The following ZFAND3 variants were observed in gnomAD, a reference collection of about 807,000 sequenced individuals.
ZFAND3 encodes AN1-type zinc finger protein 3.
A neutral mutation model predicts 29.6 loss-of-function variants in ZFAND3; 10 were observed. The ratio of observed to expected loss-of-function variants is 0.34; its 90% CI spans 0.21 to 0.57. ZFAND3 has a LOEUF of 0.57. Ranked by LOEUF, ZFAND3 falls within the 20% of genes least tolerant of loss-of-function variation. ZFAND3 has a pLI of 0.86. For synonymous variants in ZFAND3, 128 were observed against 112.6 expected, an observed-to-expected ratio of 1.14 and a Z score of -0.87; for missense variants, 230 against 304.5, an observed-to-expected ratio of 0.76 and a Z score of 1.82.
At chr6:37,829,219 G>A (rs1425801397) in intron 1 of ZFAND3, among the ~76,000 whole-genome samples, 1 of 145,392 alleles carries the variant, frequency 6.9e-6, no homozygotes, top group African/African-American at 2.5e-5. Flanking sequence ...AACATAATGA[G>A]GCTTTGTTGC....
intron 1 of ZFAND3, among the ~76,000 whole-genome samples, chr6:37,896,125 A>T (rs931823346): frequency 1.3e-5 from 2 of 152,222 alleles, no homozygotes; most frequent in African/African-American, 4.8e-5. Flanking sequence ...CAGAAAGCTC[A>T]GCTTTTCACT....
chr6:38,000,871 T>A (rs1762936165), intron 2 of ZFAND3, among the ~76,000 whole-genome samples: 1 of 152,152 alleles, frequency 6.6e-6, no homozygotes, highest in Admixed American at 6.6e-5. Context: ...TATTCCAAAA[T>A]GAGATTTGGG....
Position 38,027,691 on chromosome 6 carries a change from A to G in ZFAND3, c.113-33902A>G, listed in dbSNP as rs564247048. Among the ~76,000 whole-genome samples the G allele has an allele frequency of 2.0e-5, 3 of 152,350 alleles. No individual in the cohort carries two copies. In the East Asian group the frequency reaches 5.8e-4, roughly 29 times the overall value. ...GGCTGGCTGCCTCGGTAGGTATAAA[A>G]TATTAATATTTGTGCAAAAGGCGGA... On this transcript the variant is annotated intron_variant, in intron 2 of 5. Coordinates refer to ENST00000287218, the MANE Select transcript of ZFAND3 (RefSeq NM_021943.3).
intron 2 of ZFAND3, among the ~76,000 whole-genome samples, chr6:38,031,911 A>G (rs1763569515): frequency 7.1e-6 from 1 of 140,014 alleles, no homozygotes; most frequent in African/African-American, 2.7e-5. Flanking sequence ...AGCTCACTGC[A>G]GCCTCAATCT....
At chr6:37,889,997 A>G (rs565277458) in intron 1 of ZFAND3, among the ~76,000 whole-genome samples, 5 of 152,302 alleles carry the variant, frequency 3.3e-5, no homozygotes, top group East Asian at 3.9e-4. Flanking sequence ...CATTTGAGCA[A>G]CTAGGCTTTG....
At position 38,096,225 on chromosome 6, in the gene ZFAND3, T is replaced by C. The variant is rs184912868; in HGVS notation, c.361+13768T>C. 1.5e-3 allele frequency among the ~76,000 whole-genome samples: 223 copies of C among 147,742 alleles called. 1 individual carries two copies. The highest frequency in any genetic ancestry group is 5.4e-3 in the African/African-American group (216 of 39,676). ...TCTTGCTGTGTCACTCAGGCTGGAG[T>C]GCAGTGGTGTGATCTTGGCTCACTG... On this transcript the variant is annotated intron_variant, in intron 4 of 5. Transcript: ENST00000287218.
At chr6:37,954,277 C>A (rs1323274209) in intron 2 of ZFAND3, among the ~76,000 whole-genome samples, 2 of 151,910 alleles carry the variant, frequency 1.3e-5, no homozygotes, top group African/African-American at 4.8e-5. Context: ...AATAGAAAAC[C>A]TTTTTTCTAT....
intron 2 of ZFAND3, among the ~76,000 whole-genome samples, chr6:38,050,723 C>T (rs1360671098): frequency 6.6e-6 from 1 of 152,190 alleles, no homozygotes; most frequent in African/African-American, 2.4e-5. Flanking sequence ...TTCATAGCAG[C>T]ATGAGAACGG....
At chr6:37,943,959 C>T (rs939428202) in intron 2 of ZFAND3, among the ~76,000 whole-genome samples, 3 of 152,112 alleles carry the variant, frequency 2.0e-5, no homozygotes, top group Non-Finnish European at 2.9e-5. Context: ...AGAAATAAAT[C>T]TATAACAAAG....
chr6:38,116,456 C>A, intron 4 of ZFAND3, 116 bp from the exon 5 acceptor site: 2 of 1,252,664 alleles, frequency 1.6e-6, no homozygotes, highest in Non-Finnish European at 2.2e-6. Flanking sequence ...TCTCACCTGT[C>A]TGATTCCTGG....
intron 1 of ZFAND3, among the ~76,000 whole-genome samples, chr6:37,913,727 T>G (rs916749541): frequency 6.7e-6 from 1 of 148,878 alleles, no homozygotes; most frequent in African/African-American, 2.5e-5. Flanking sequence ...TTTTTTTTTT[T>G]GAGACAGAGT....
At chr6:37,942,995 C>T (rs1761838088) in intron 2 of ZFAND3, among the ~76,000 whole-genome samples, 1 of 152,026 alleles carries the variant, frequency 6.6e-6, no homozygotes, top group Non-Finnish European at 1.5e-5. Flanking sequence ...GTTTAGACAA[C>T]ATTATAGCAT....
chr6:37,847,010 G>A (rs1005084949), intron 1 of ZFAND3, among the ~76,000 whole-genome samples: 5 of 151,358 alleles, frequency 3.3e-5, no homozygotes, highest in Non-Finnish European at 7.4e-5. Flanking sequence ...TGTGCCTGGC[G>A]TATACTTGTG....
intron 5 of ZFAND3, among the ~76,000 whole-genome samples, chr6:38,133,707 G>T (rs564166800): frequency 6.6e-6 from 1 of 151,150 alleles, no homozygotes; most frequent in African/African-American, 2.4e-5. Flanking sequence ...CCGAGATCAC[G>T]CCACTGCACT....
chr6:37,912,783 A>C (rs1033859454), intron 1 of ZFAND3, among the ~76,000 whole-genome samples: 1 of 152,218 alleles, frequency 6.6e-6, no homozygotes, highest in African/African-American at 2.4e-5. Context: ...AGTCCTGTAG[A>C]TGAATGTTGT....
chr6:38,049,145 C>T (rs566078514), intron 2 of ZFAND3, among the ~76,000 whole-genome samples: 1 of 152,320 alleles, frequency 6.6e-6, no homozygotes, highest in Admixed American at 6.5e-5. Flanking sequence ...TCCCTGAAAA[C>T]TTTCGTATTT....
At chr6:37,925,409 A>C (rs1761464803) in intron 1 of ZFAND3, among the ~76,000 whole-genome samples, 1 of 152,180 alleles carries the variant, frequency 6.6e-6, no homozygotes, top group Non-Finnish European at 1.5e-5. Context: ...GACGGGAATC[A>C]AAAATGGTTT....
intron 2 of ZFAND3, among the ~76,000 whole-genome samples, chr6:37,990,233 A>G (rs1044349924): frequency 1.3e-5 from 2 of 152,192 alleles, no homozygotes; most frequent in African/African-American, 4.8e-5. Flanking sequence ...TACTTTGAGA[A>G]TCACTGGCCT....
intron 2 of ZFAND3, among the ~76,000 whole-genome samples, chr6:38,030,244 C>G (rs1763534363): frequency 6.7e-6 from 1 of 150,104 alleles, no homozygotes; most frequent in South Asian, 2.1e-4. Flanking sequence ...CCAGGCTGGT[C>G]TCACACTCCT....
Sources: allele counts gnomAD v4.1 joint callset (sites outside exome capture counted in the v4.1 genomes callset), GRCh38; gene constraint gnomAD v4.1.1; transcripts MANE v1.5; gene names NCBI Gene and HGNC (gene_info 2026-07-23, HGNC 2026-07-21).